Variants in SLC43A2 observed in about 807,000 individuals in gnomAD.
The protein encoded by SLC43A2 is solute carrier family 43 member 2, also known as large neutral amino acids transporter small subunit 4.
A neutral mutation model predicts 63.2 loss-of-function variants in SLC43A2; 38 were observed. The ratio of observed to expected loss-of-function variants is 0.60; its 90% CI spans 0.46 to 0.79. SLC43A2 has a LOEUF of 0.79. SLC43A2 is among the 30% of genes least tolerant of loss of function. SLC43A2 has a pLI of 0.00. For synonymous variants in SLC43A2, 322 were observed against 331.0 expected, an observed-to-expected ratio of 0.97 and a Z score of 0.30; for missense variants, 644 against 756.2, an observed-to-expected ratio of 0.85 and a Z score of 1.74.
At position 1,615,038 on chromosome 17, in the gene SLC43A2, A is replaced by G; in HGVS notation, c.369-4T>C. 6.2e-7 allele frequency: 1 copy of G among 1,613,920 alleles called. No homozygotes were observed. Among genetic ancestry groups the G allele is most frequent in the Non-Finnish European group, 8.5e-7 (1 of 1,179,912 alleles). On this transcript the variant is annotated splice_polypyrimidine_tract_variant and splice_region_variant and intron_variant, in intron 3 of 13. Transcript: ENST00000301335. ...GCAGGAAACCGCGAAGCAGGCGCTA[A>G]AACCAAGCAGAAACGCAATGTTATT... is the stretch of plus-strand genomic sequence containing the variant.
rs1598455363 is a variant in SLC43A2 at position 1,593,831 on chromosome 17, G to A, written c.502-552C>T. Among the ~76,000 whole-genome samples the A allele has an allele frequency of 6.6e-6, 1 of 152,080 alleles. No individual in the cohort carries two copies. Among genetic ancestry groups the A allele is most frequent in the East Asian group, 1.9e-4 (1 of 5,194 alleles). The stretch of plus-strand genomic sequence containing the variant: ...AGGATGAAGCTGGCCCAGGATTCCT[G>A]CTTCTGAATTTCTTTTCTTTGTTTT... On this transcript the variant is annotated intron_variant, in intron 5 of 13. Transcript: ENST00000301335. This position sits in a 1 kb window ranked among gnomAD's most constrained non-coding sequence, Gnocchi z 5.3.
rs1349978621 is a variant in SLC43A2, at chr17:1,569,973, C to T, written c.*5631G>A. 1.4e-5 allele frequency: 2 copies of T among 145,128 alleles called. No individual in the cohort carries two copies. The highest frequency in any genetic ancestry group is 5.1e-5 in the African/African-American group (2 of 39,160). 9.0% of individuals were successfully genotyped at this position (145,128 alleles called of 1,614,324 possible). The stretch of plus-strand genomic sequence containing the variant: ...CACAATCTCGGCTCACTGCAAGCTT[C>T]ACCTCCCGGGTTCATGCCATTCTCC... On this transcript the variant is annotated 3_prime_UTR_variant, in exon 14 of 14. Coordinates refer to ENST00000301335, the MANE Select transcript of SLC43A2 (RefSeq NM_152346.3).
intron 6 of SLC43A2, among the ~76,000 whole-genome samples, chr17:1,592,155 A>C (rs1904878226): frequency 6.7e-6 from 1 of 150,340 alleles, no homozygotes. Flanking sequence ...GAAGCCAGGC[A>C]TGGTGGCTCA....
chr17:1,616,767 T>C lies in SLC43A2; in HGVS notation c.163A>G (p.Asn55Asp), dbSNP rs1907722188. 1.2e-6 allele frequency: 2 copies of C among 1,613,610 alleles called. No individual in the cohort carries two copies. The highest frequency in any genetic ancestry group is 2.7e-5 in the African/African-American group (2 of 74,932). Residue 55 changes from asparagine to aspartate, a missense_variant and splice_region_variant, in exon 3 of 14, where the codon AAT becomes GAT. Physicochemically the swap from Asn to Asp is conservative, Grantham distance 23 (BLOSUM62 1). Coordinates refer to ENST00000301335, the MANE Select transcript of SLC43A2 (RefSeq NM_152346.3). ...CCGCCCACTGTGCCATTGGTGACAT[T>C]CTCTGTGTGAAGAGGGAAGGAAACC... ...FYSYLCTEPE[N>D]VTNGTVGGTA...
Position 1,573,016 on chromosome 17 carries a change from G to GA in SLC43A2, c.*2587dup, listed in dbSNP as rs371262651. The stretch of plus-strand genomic sequence containing the variant: ...AGCAAGAATTCATCTTTATGAAAAA[G>GA]AAAAAAAAAATTAGCCAGGCATGGT... On this transcript the variant is annotated 3_prime_UTR_variant, in exon 14 of 14. Coordinates refer to ENST00000301335, the MANE Select transcript of SLC43A2 (RefSeq NM_152346.3). 283 of 148,342 alleles carry GA rather than the reference G, an allele frequency of 1.9e-3. 2 individuals are homozygous for GA. The highest frequency in any genetic ancestry group is 6.0e-3 in the African/African-American group (244 of 40,378). The allele number at this position is 148,342 out of a possible 1,614,324, so 9.2% of individuals were successfully genotyped here. A position where few individuals can be genotyped will look rare whatever the true frequency, so the allele number is the denominator to read the frequency against.
rs1010501747 is a variant in SLC43A2, at chr17:1,608,623, G to A, written c.501+4572C>T. On this transcript the variant is annotated intron_variant, in intron 5 of 13. Coordinates refer to ENST00000301335, the MANE Select transcript of SLC43A2 (RefSeq NM_152346.3). ...TGGCCAGGCTGGTCTTGAACTCCTG[G>A]CCTCAGGTGATCCACCCACCTTGGC... Among the ~76,000 whole-genome samples, 39 of 152,124 alleles carry A rather than the reference G, an allele frequency of 2.6e-4. No individual in the cohort carries two copies. In the Middle Eastern group the frequency reaches 0.01, roughly 40 times the overall value.
In SLC43A2 at chr17:1,594,636, G is replaced by A. The variant is rs1446318654; in HGVS notation, c.502-1357C>T. ...GGAGTCTCGCTCTTTCGCCCAGGCT[G>A]TACTGCAGTGGCTCTATCTCGGCTC... On this transcript the variant is annotated intron_variant, in intron 5 of 13. Coordinates refer to ENST00000301335, the MANE Select transcript of SLC43A2 (RefSeq NM_152346.3). Among the ~76,000 whole-genome samples the A allele has an allele frequency of 1.5e-4, 21 of 139,342 alleles. No homozygotes were observed. The East Asian group carries it at 4.4e-3, about 29-fold the overall frequency. The allele number at this position is 139,342 out of a possible 152,430, so 91.4% of individuals were successfully genotyped here.
upstream of SLC43A2, chr17:1,628,991 G>C (rs953978959): frequency 6.6e-6 from 1 of 150,980 alleles, no homozygotes; most frequent in Non-Finnish European, 1.5e-5. Flanking sequence ...GGCCGGACTC[G>C]GAGACAAACA....
chr17:1,589,630 T>A (rs541463900), intron 9 of SLC43A2, among the ~76,000 whole-genome samples: 1 of 152,286 alleles, frequency 6.6e-6, no homozygotes, highest in Non-Finnish European at 1.5e-5. Flanking sequence ...GATATTTTTT[T>A]TTCTTTTGAG....
chr17:1,605,285 C>G lies in SLC43A2; in HGVS notation c.501+7910G>C. Reference sequence around the variant, plus strand: ...GCATAAACAGGCCGGACTGTGTGACCTTCCCAGAGGGGAAAACAGCAGCTG... The same window carrying G: ...GCATAAACAGGCCGGACTGTGTGACGTTCCCAGAGGGGAAAACAGCAGCTG... On this transcript the variant is annotated intron_variant, in intron 5 of 13. Transcript: ENST00000301335. The surrounding 1 kb of genome is among the most constrained non-coding windows in gnomAD (Gnocchi z 4.9). 9.9e-7 allele frequency: 1 copy of G among 1,013,994 alleles called. No individual in the cohort carries two copies. Among genetic ancestry groups the G allele is most frequent in the Non-Finnish European group, 1.2e-6 (1 of 836,364 alleles). The allele number at this position is 1,013,994 out of a possible 1,614,324, so 62.8% of individuals were successfully genotyped here.
chr17:1,586,929 C>CCCCCCCCCCCCCCCAAACCCCGGG, intron 9 of SLC43A2: 1 of 657,350 alleles, frequency 1.5e-6, no homozygotes, highest in Non-Finnish European at 2.5e-6. Flanking sequence ...CCCTGACAAT[C>CCCCCCCCCCCCCCCAAACCCCGGG]CCCCCCACCC....
chr17:1,592,030 G>T (rs930580457), intron 6 of SLC43A2, among the ~76,000 whole-genome samples: 1 of 152,206 alleles, frequency 6.6e-6, no homozygotes, highest in African/African-American at 2.4e-5. Flanking sequence ...CTGGTCCGTC[G>T]GCTTGTCTGG....
At chr17:1,628,636 A>G (rs549751702) in intron 1 of SLC43A2, among the ~76,000 whole-genome samples, 158 bp downstream of exon 1, 10 of 151,330 alleles carry the variant, frequency 6.6e-5, no homozygotes, top group Admixed American at 1.3e-4. Flanking sequence ...CCGCGCCTCC[A>G]TTCCCCAGCC....
intron 5 of SLC43A2, among the ~76,000 whole-genome samples, chr17:1,598,679 G>C (rs1392647486): frequency 6.6e-6 from 1 of 152,188 alleles, no homozygotes; most frequent in Non-Finnish European, 1.5e-5. Context: ...CCTAACCTAG[G>C]CTACAGACCA....
chr17:1,604,951 TGAGCGCTGAGCA>T, intron 5 of SLC43A2: 1 of 1,499,722 alleles, frequency 6.7e-7, no homozygotes, highest in Non-Finnish European at 8.9e-7. Flanking sequence ...GAGTGAGGGC[TGAGCGCTGAGCA>T]GAGCGCCCTA....
chr17:1,578,383 C>A lies in SLC43A2; in HGVS notation c.1351-60G>T. 1.3e-6 allele frequency: 2 copies of A among 1,536,370 alleles called. No individual in the cohort carries two copies. Among genetic ancestry groups the A allele is most frequent in the East Asian group, 4.7e-5 (2 of 42,564 alleles). On this transcript the variant is annotated intron_variant, in intron 11 of 13. Coordinates refer to ENST00000301335, the MANE Select transcript of SLC43A2 (RefSeq NM_152346.3). This position sits in a 1 kb window ranked among gnomAD's most constrained non-coding sequence, Gnocchi z 6.5. Reference sequence around the variant, plus strand: ...CTTAAGGGACCGTCCCCTCAGCCCCCGCCCTCCAATTCCTGGGGGCCCTCA... The same window carrying A: ...CTTAAGGGACCGTCCCCTCAGCCCCAGCCCTCCAATTCCTGGGGGCCCTCA...
Position 1,605,196 on chromosome 17 carries a change from C to G in SLC43A2, c.501+7999G>C. 8.7e-7 allele frequency: 1 copy of G among 1,145,462 alleles called. No individual in the cohort carries two copies. Among genetic ancestry groups the G allele is most frequent in the South Asian group, 2.2e-5 (1 of 45,856 alleles). 71.0% of individuals were successfully genotyped at this position (1,145,462 alleles called of 1,614,324 possible). On this transcript the variant is annotated intron_variant, in intron 5 of 13. Transcript: ENST00000301335. This position sits in a 1 kb window ranked among gnomAD's most constrained non-coding sequence, Gnocchi z 4.9. ...CCAGCCCGGGCTGTTCACTCACTGC[C>G]TCCACGCAGCCTCAGTCACACAGGG...
intron 2 of SLC43A2, among the ~76,000 whole-genome samples, chr17:1,625,538 A>G (rs939064212): frequency 3.9e-5 from 6 of 152,210 alleles, no homozygotes; most frequent in African/African-American, 7.2e-5. Flanking sequence ...TGAAAATGTT[A>G]GACTGAAGCA....
intron 5 of SLC43A2, among the ~76,000 whole-genome samples, chr17:1,594,837 C>G (rs1281878891): frequency 2.0e-5 from 3 of 151,758 alleles, no homozygotes; most frequent in South Asian, 2.1e-4. Flanking sequence ...ATCCGCCCGC[C>G]TTGGCCTCCC....
Sources: allele counts gnomAD v4.1 joint callset (sites outside exome capture counted in the v4.1 genomes callset), GRCh38; gene constraint gnomAD v4.1.1; non-coding constraint Gnocchi (gnomAD v3.1); transcripts MANE v1.5; gene names NCBI Gene and HGNC (gene_info 2026-07-23, HGNC 2026-07-21).